The following EDA variants were observed in gnomAD, a reference collection of about 807,000 sequenced individuals.
EDA encodes the protein ectodysplasin-A.
Under a neutral mutation model 23.6 loss-of-function variants are expected in EDA, and 2 were observed. The observed-to-expected ratio is 0.08, with a 90% CI of 0.03 to 0.27. The LOEUF is 0.27. EDA is among the 10% of genes least tolerant of loss of function. The probability of loss-of-function intolerance (pLI) is 1.00; values close to 1 mark genes in which losing one functional copy is unlikely to be tolerated. For missense variants in EDA, 229 were observed against 324.2 expected (o/e 0.71, Z 2.26); for synonymous variants, 131 against 132.0 (o/e 0.99, Z 0.05).
chrX:70,020,961 T>C (rs187620179), intron 2 of EDA, among the ~76,000 whole-genome samples: 142 of 112,537 alleles, frequency 1.3e-3, no homozygotes, highest in African/African-American at 4.3e-3. Context: ...TTTGTATGTA[T>C]ATACGTATGT....
chrX:70,009,029 A>G (rs2019839276), intron 2 of EDA, among the ~76,000 whole-genome samples: 1 of 111,957 alleles, frequency 8.9e-6, no homozygotes. Context: ...TTAAGGAATT[A>G]GCCCATTTTA....
At chrX:69,997,676 G>A (rs1308628697) in intron 2 of EDA, among the ~76,000 whole-genome samples, 1 of 112,473 alleles carries the variant, frequency 8.9e-6, no homozygotes, top group Non-Finnish European at 1.9e-5. Context: ...CAGGCCTGGA[G>A]GCCTAGGAGG....
intron 1 of EDA, among the ~76,000 whole-genome samples, chrX:69,910,352 A>AGG (rs2018241541): frequency 2.2e-5 from 1 of 45,839 alleles, no homozygotes; most frequent in Admixed American, 3.3e-4. Context: ...TAGGTAAAGG[A>AGG]GAGAGAGAGA....
chrX:70,035,299 G>A, intron 7 of EDA, 59 bp from the exon 8 acceptor site: 1 of 1,166,213 alleles, frequency 8.6e-7, no homozygotes, highest in South Asian at 1.9e-5. Flanking sequence ...ACCACAGGGA[G>A]GGCCCCCCAC....
chrX:69,731,989 C>G (rs1363158218), intron 1 of EDA, among the ~76,000 whole-genome samples: 1 of 111,037 alleles, frequency 9.0e-6, no homozygotes, highest in Non-Finnish European at 1.9e-5. Context: ...TTGAATTTTG[C>G]CTAATATATT....
At chrX:69,859,136 G>A (rs1255385300) in intron 1 of EDA, among the ~76,000 whole-genome samples, 2 of 110,064 alleles carry the variant, frequency 1.8e-5, no homozygotes, top group African/African-American at 6.6e-5. Flanking sequence ...TTCTTTATTA[G>A]TTTAGCTAGT....
chrX:69,693,884 T>C (rs1259302631), intron 1 of EDA, among the ~76,000 whole-genome samples: 1 of 111,971 alleles, frequency 8.9e-6, no homozygotes, highest in Non-Finnish European at 1.9e-5. Flanking sequence ...TATAGACTAT[T>C]ATGAGAACAT....
intron 1 of EDA, among the ~76,000 whole-genome samples, chrX:69,709,281 G>A (rs1236145442): frequency 1.8e-5 from 2 of 112,188 alleles, no homozygotes; most frequent in African/African-American, 3.2e-5. Flanking sequence ...ACCATCTGCA[G>A]ATTCAGTCAA....
intron 1 of EDA, among the ~76,000 whole-genome samples, chrX:69,761,043 A>G (rs1217399549): frequency 1.8e-5 from 2 of 110,985 alleles, no homozygotes; most frequent in South Asian, 3.8e-4. Context: ...TTGCGGGGGA[A>G]CTAGATGCAG....
chrX:69,753,311 T>C (rs899581453), intron 1 of EDA, among the ~76,000 whole-genome samples: 1 of 112,265 alleles, frequency 8.9e-6, no homozygotes, highest in Non-Finnish European at 1.9e-5. Context: ...AACATCTTTA[T>C]TTCTGTCTTC....
At chrX:69,834,731 T>C (rs1312577196) in intron 1 of EDA, among the ~76,000 whole-genome samples, 1 of 111,518 alleles carries the variant, frequency 9.0e-6, no homozygotes, top group Non-Finnish European at 1.9e-5. Context: ...TTAATATTGT[T>C]ATGTGTGAAT....
chrX:69,825,328 T>G (rs2147526320), intron 1 of EDA, among the ~76,000 whole-genome samples: 1 of 103,502 alleles, frequency 9.7e-6, no homozygotes, highest in Non-Finnish European at 2.0e-5. Flanking sequence ...CATCTGGTCC[T>G]GGACTCTTTT....
intron 1 of EDA, among the ~76,000 whole-genome samples, chrX:69,825,508 G>C (rs1416414355): frequency 1.8e-5 from 2 of 111,623 alleles, no homozygotes; most frequent in African/African-American, 6.5e-5. Flanking sequence ...AGTATTCTCT[G>C]ATGGTAGTTT....
intron 1 of EDA, among the ~76,000 whole-genome samples, chrX:69,636,763 T>C (rs1399339658): frequency 1.8e-5 from 2 of 110,595 alleles, no homozygotes; most frequent in Non-Finnish European, 1.9e-5. Flanking sequence ...TTTGTTGTCA[T>C]ACTTTCTATT....
At chrX:69,763,649 A>G (rs1387250859) in intron 1 of EDA, among the ~76,000 whole-genome samples, 4 of 112,039 alleles carry the variant, frequency 3.6e-5, no homozygotes, top group African/African-American at 1.3e-4. Flanking sequence ...TTGATAAATT[A>G]TGTTTGGACC....
intron 1 of EDA, among the ~76,000 whole-genome samples, chrX:69,618,848 C>T (rs1402240193): frequency 2.7e-5 from 3 of 110,792 alleles, no homozygotes; most frequent in African/African-American, 9.8e-5. Flanking sequence ...AGCCCAAATT[C>T]AACTTGTTTA....
intron 1 of EDA, among the ~76,000 whole-genome samples, chrX:69,852,910 C>T (rs1331234110): frequency 1.8e-5 from 2 of 111,943 alleles, no homozygotes; most frequent in Non-Finnish European, 3.8e-5. Flanking sequence ...ATTGGTACTG[C>T]TTTCCAAGCA....
chrX:69,641,760 A>G (rs1208673769), intron 1 of EDA, among the ~76,000 whole-genome samples: 3 of 111,648 alleles, frequency 2.7e-5, no homozygotes, highest in Non-Finnish European at 5.6e-5. Flanking sequence ...TGGTGCAGCA[A>G]GAATTATGTT....
intron 2 of EDA, among the ~76,000 whole-genome samples, chrX:70,017,949 A>AC (rs1197599856): frequency 8.9e-6 from 1 of 111,903 alleles, no homozygotes; most frequent in Non-Finnish European, 1.9e-5. Context: ...TACCTAGAAA[A>AC]CCCCCATAGT....
Sources: allele counts gnomAD v4.1 joint callset (sites outside exome capture counted in the v4.1 genomes callset), GRCh38; gene constraint gnomAD v4.1.1; transcripts MANE v1.5; gene names NCBI Gene and HGNC (gene_info 2026-07-23, HGNC 2026-07-21).